The following MIER2 variants were observed in gnomAD, a reference collection of about 807,000 sequenced individuals.
MIER2 encodes mesoderm induction early response protein 2.
A neutral mutation model predicts 67.6 loss-of-function variants in MIER2; 30 were observed. The observed-to-expected ratio is 0.44, with a 90% confidence interval of 0.33 to 0.60. The LOEUF (loss-of-function observed/expected upper bound fraction) is 0.60. Among genes scored for constraint, MIER2 ranks in the 20% least tolerant of loss-of-function variants. The pLI, the probability that MIER2 is intolerant of heterozygous loss-of-function variation, is 0.02. For synonymous variants in MIER2, 372 were observed against 312.6 expected, an observed-to-expected ratio of 1.19 and a Z score of -2.00; for missense variants, 702 against 745.1, an observed-to-expected ratio of 0.94 and a Z score of 0.67.
intron 10 of MIER2, among the ~76,000 whole-genome samples, chr19:310,665 A>AGCTATAGAAACACGGCCGGG (rs1600112743): frequency 1.1e-3 from 59 of 51,392 alleles, no homozygotes; most frequent in African/African-American, 4.9e-3. Context: ...ACACAGCCCG[A>AGCTATAGAAACACGGCCGGG]AGCTCCAGAA....
intron 1 of MIER2, chr19:344,325 A>C (rs1220522063): frequency 6.1e-6 from 6 of 984,310 alleles, no homozygotes; most frequent in Non-Finnish European, 7.2e-6. Flanking sequence ...CCCGATGGGG[A>C]GCGCGGGGCG....
intron 3 of MIER2, among the ~76,000 whole-genome samples, chr19:330,628 C>A: frequency 6.6e-6 from 1 of 151,220 alleles, no homozygotes; most frequent in East Asian, 1.9e-4. Context: ...TAAGCCCCAA[C>A]ATGACTATAT....
intron 7 of MIER2, among the ~76,000 whole-genome samples, chr19:323,919 A>C (rs527684105): frequency 6.6e-6 from 1 of 151,912 alleles, no homozygotes; most frequent in South Asian, 2.1e-4. Context: ...CGAAGGACAT[A>C]GGCGTCATCA....
chr19:308,547 C>A lies in MIER2; in HGVS notation c.1198+30G>T, dbSNP rs1298136839. ...CACGGCTCCAGACCCGTGGCCGCCC[C>A]CAGGGCAGGAGATACTCCCCAAGCC... On this transcript the variant is annotated intron_variant, in intron 12 of 13. Coordinates refer to ENST00000264819, the MANE Select transcript of MIER2 (RefSeq NM_017550.3). This position sits in a 1 kb window ranked among gnomAD's most constrained non-coding sequence, Gnocchi z 9.1. The A allele has an allele frequency of 1.3e-6, 2 of 1,562,458 alleles. No individual in the cohort carries two copies. Among genetic ancestry groups the A allele is most frequent in the Non-Finnish European group, 8.7e-7 (1 of 1,153,992 alleles).
intron 7 of MIER2, among the ~76,000 whole-genome samples, chr19:317,518 CTCTG>C (rs1379670061): frequency 7.9e-6 from 1 of 126,916 alleles, no homozygotes; most frequent in Non-Finnish European, 1.7e-5. Flanking sequence ...CAAAGCGAGA[CTCTG>C]TCTCAGAAAA....
chr19:311,198 G>A (rs1228450036), intron 10 of MIER2, among the ~76,000 whole-genome samples: 1 of 152,252 alleles, frequency 6.6e-6, no homozygotes, highest in Non-Finnish European at 1.5e-5. Flanking sequence ...CCCAACCGGG[G>A]CGTGGACAGA....
intron 7 of MIER2, among the ~76,000 whole-genome samples, chr19:321,558 T>C (rs952973395): frequency 2.6e-5 from 4 of 151,974 alleles, no homozygotes; most frequent in Non-Finnish European, 4.4e-5. Context: ...GTGGGAGAAC[T>C]GCTTGAATCC....
chr19:320,854 C>T (rs1971471450), intron 7 of MIER2, among the ~76,000 whole-genome samples: 1 of 152,242 alleles, frequency 6.6e-6, no homozygotes, highest in Non-Finnish European at 1.5e-5. Context: ...GAACTCACGG[C>T]CAGCAGCCCC....
At chr19:322,774 G>A (rs1024108590) in intron 7 of MIER2, among the ~76,000 whole-genome samples, 3 of 151,808 alleles carry the variant, frequency 2.0e-5, no homozygotes, top group Non-Finnish European at 2.9e-5. Flanking sequence ...ACGACTCCCC[G>A]CTGTCCATCA....
At position 334,383 on chromosome 19, in the gene MIER2, T is replaced by C; in HGVS notation, c.243+17A>G. ...GGCTCCACCCAACACAGGGGCAGGA[T>C]CACCTTGGCCAAGTACCTGGGAGAT... On this transcript the variant is annotated intron_variant, in intron 3 of 13. Coordinates refer to ENST00000264819, the MANE Select transcript of MIER2 (RefSeq NM_017550.3). The C allele has an allele frequency of 5.0e-6, 8 of 1,613,808 alleles. No individual in the cohort carries two copies. Among genetic ancestry groups the C allele is most frequent in the Non-Finnish European group, 6.8e-6 (8 of 1,179,836 alleles).
chr19:344,439 A>G, intron 1 of MIER2: 2 of 947,756 alleles, frequency 2.1e-6, no homozygotes, highest in Non-Finnish European at 2.5e-6. Flanking sequence ...GGACCCTGGA[A>G]CGGAGCCGCG....
At chr19:342,348 C>T (rs1192141699) in intron 1 of MIER2, among the ~76,000 whole-genome samples, 5 of 151,960 alleles carry the variant, frequency 3.3e-5, no homozygotes, top group Admixed American at 6.6e-5. Flanking sequence ...ACAGGGCGCA[C>T]GGGCTCTGCA....
chr19:334,441 C>A lies in MIER2; in HGVS notation c.202G>T (p.Asp68Tyr), dbSNP rs7507468. 1.2e-6 allele frequency: 2 copies of A among 1,614,218 alleles called. No homozygotes were observed. Among genetic ancestry groups the A allele is most frequent in the Non-Finnish European group, 1.7e-6 (2 of 1,180,038 alleles). ...GECEEASRCP[D>Y]KPKEELEKDF... Reference sequence around the variant, plus strand: ...TTCTCCAGCTCCTCCTTGGGCTTGTCTGGGCACCTCGAGGCCTCCTCGCAC... The same window carrying A: ...TTCTCCAGCTCCTCCTTGGGCTTGTATGGGCACCTCGAGGCCTCCTCGCAC... The change falls in exon 3 of 14, where the codon GAC (aspartate) becomes TAC (tyrosine). Residue 68 changes from aspartate to tyrosine, a missense_variant. Around this residue, in one of 3 missense-constraint regions of MIER2, gnomAD observed 320 missense variants for 292.6 expected, o/e 1.09. Coordinates refer to ENST00000264819, the MANE Select transcript of MIER2 (RefSeq NM_017550.3).
At position 308,291 on chromosome 19, in the gene MIER2, C is replaced by G. The variant is rs1970756726; in HGVS notation, c.1198+286G>C. 6.6e-6 allele frequency among the ~76,000 whole-genome samples: 1 copy of G among 152,176 alleles called. No individual in the cohort carries two copies. The highest frequency in any genetic ancestry group is 6.5e-5 in the Admixed American group (1 of 15,286). ...GAAGGCCCTCCCCGGAGACTGAGGC[C>G]TGGTAAATACCCCAACCTCACCATA... On this transcript the variant is annotated intron_variant, in intron 12 of 13. Transcript: ENST00000264819. The surrounding 1 kb of genome is among the most constrained non-coding windows in gnomAD (Gnocchi z 9.1).
chr19:307,108 G>A lies in MIER2; in HGVS notation c.1616+11C>T. ...GTGTTGCGGAGGCTCCGGGCATGGG[G>A]TGGCACTCACTGTGACAGGGGCTCC... On this transcript the variant is annotated intron_variant, in intron 13 of 13. Transcript: ENST00000264819. 3.8e-6 allele frequency: 6 copies of A among 1,575,190 alleles called. No individual in the cohort carries two copies. Among genetic ancestry groups the A allele is most frequent in the South Asian group, 1.2e-5 (1 of 85,898 alleles).
chr19:319,174 C>A (rs1971391805), intron 7 of MIER2, among the ~76,000 whole-genome samples: 1 of 150,488 alleles, frequency 6.6e-6, no homozygotes, highest in Non-Finnish European at 1.5e-5. Context: ...CCAGCCTGGC[C>A]AACATGGTGA....
chr19:308,042 C>A lies in MIER2; in HGVS notation c.1199-506G>T, dbSNP rs1970743502. Among the ~76,000 whole-genome samples the A allele has an allele frequency of 6.6e-6, 1 of 152,186 alleles. No homozygotes were observed. The highest frequency in any genetic ancestry group is 1.5e-5 in the Non-Finnish European group (1 of 68,020). ...AAATGGGGGACCCTCCCAGACTCAA[C>A]CATCTAAACACAGAGCCAGAAAGCA... On this transcript the variant is annotated intron_variant, in intron 12 of 13. Coordinates refer to ENST00000264819, the MANE Select transcript of MIER2 (RefSeq NM_017550.3). This position sits in a 1 kb window ranked among gnomAD's most constrained non-coding sequence, Gnocchi z 9.1.
intron 7 of MIER2, among the ~76,000 whole-genome samples, chr19:324,776 A>G (rs1196929622): frequency 2.0e-5 from 3 of 152,196 alleles, no homozygotes; most frequent in Non-Finnish European, 4.4e-5. Context: ...GGGCACCCTC[A>G]TGGGGGGTGA....
rs565671516 is a variant in MIER2 at position 343,911 on chromosome 19, T to A, written c.9+863A>T. The A allele has an allele frequency of 4.8e-5, 47 of 985,436 alleles. No individual in the cohort carries two copies. The African/African-American group carries it at 8.0e-4, about 17-fold the overall frequency. The allele number at this position is 985,436 out of a possible 1,614,324, so 61.0% of individuals were successfully genotyped here. A position where few individuals can be genotyped will look rare whatever the true frequency, so the allele number is the denominator to read the frequency against. Reference sequence around the variant, plus strand: ...CAAAAAAAGCTTCAAAAGCGAAAGTTTCTTCCTTCCTGGTTTGACCTGACA... The same window carrying A: ...CAAAAAAAGCTTCAAAAGCGAAAGTATCTTCCTTCCTGGTTTGACCTGACA... On this transcript the variant is annotated intron_variant, in intron 1 of 13. Transcript: ENST00000264819.
Sources: gnomAD v4.1 joint callset for allele counts (sites outside exome capture counted in the v4.1 genomes callset) on GRCh38, gnomAD v4.1.1 for gene constraint, gnomAD v4.1.1 regional missense constraint, Gnocchi (gnomAD v3.1) non-coding constraint, MANE v1.5 for transcripts, NCBI Gene and HGNC (gene_info 2026-07-23, HGNC 2026-07-21) for gene names.